The following SATB2 variants were observed in gnomAD, a reference collection of about 807,000 sequenced individuals.
The protein encoded by SATB2 is DNA-binding protein SATB2.
In SATB2, 1 loss-of-function variant was observed where a neutral mutation model predicts 73.4. The ratio of observed to expected loss-of-function variants is 0.01; its 90% CI spans 0.00 to 0.06. The LOEUF (loss-of-function observed/expected upper bound fraction) is 0.06. Ranked by LOEUF, SATB2 falls within the 10% of genes least tolerant of loss-of-function variation. The pLI, the probability that SATB2 is intolerant of heterozygous loss-of-function variation, is 1.00. For missense variants in SATB2, 459 were observed against 945.8 expected (o/e 0.49, Z 6.75); for synonymous variants, 397 against 367.0 (o/e 1.08, Z -0.93).
intron 7 of SATB2, among the ~76,000 whole-genome samples, chr2:199,345,866 A>C (rs1050916869): frequency 2.0e-5 from 3 of 152,196 alleles, no homozygotes; most frequent in African/African-American, 7.2e-5. Flanking sequence ...GTTAAAGTTC[A>C]GAGCTCTTGT....
intron 2 of SATB2, among the ~76,000 whole-genome samples, chr2:199,444,047 A>G (rs1691896495): frequency 6.6e-6 from 1 of 152,198 alleles, no homozygotes; most frequent in Admixed American, 6.5e-5. Context: ...GTGCCTGTGT[A>G]ATTTATAGAA....
In SATB2 at chr2:199,431,771, C is replaced by T. The variant is rs1691509550; in HGVS notation, c.346+1567G>A. On this transcript the variant is annotated intron_variant, in intron 3 of 10. Transcript: ENST00000417098. ...TGGCCACTTAGTGCTCTGTGTTCCACATGTGAGCTCGCGACGCGCTGAACG... is the reference window on the plus strand; with the variant it reads ...TGGCCACTTAGTGCTCTGTGTTCCATATGTGAGCTCGCGACGCGCTGAACG... Among the ~76,000 whole-genome samples, 3 of 152,146 alleles carry T rather than the reference C, an allele frequency of 2.0e-5. No homozygotes were observed. In the South Asian group the frequency reaches 6.2e-4, roughly 32 times the overall value.
intron 8 of SATB2, chr2:199,326,105 C>T (rs943201182): frequency 1.7e-4 from 26 of 152,110 alleles, no homozygotes; most frequent in African/African-American, 5.1e-4. Flanking sequence ...TCAGTGAGTA[C>T]TCCTCTAATA....
chr2:199,284,659 TTC>T (rs1224307446), intron 10 of SATB2, among the ~76,000 whole-genome samples: 1 of 152,182 alleles, frequency 6.6e-6, no homozygotes, highest in Non-Finnish European at 1.5e-5. Flanking sequence ...TCTATTATTT[TTC>T]TGTTTTGAAA....
At chr2:199,380,307 T>TA in intron 5 of SATB2, 57 bp downstream of exon 5, 1 of 1,608,738 alleles carries the variant, frequency 6.2e-7, no homozygotes, top group South Asian at 1.1e-5. Flanking sequence ...AACCCCCTGA[T>TA]AGAGAGTCTA....
At chr2:199,466,129 G>T (rs1003557654), upstream of SATB2, among the ~76,000 whole-genome samples, 2 of 152,152 alleles carry the variant, frequency 1.3e-5, no homozygotes, top group African/African-American at 4.8e-5. Flanking sequence ...CCGGAGACCC[G>T]GAGTTACTTG....
At chr2:199,410,433 C>G (rs1048264456) in intron 3 of SATB2, among the ~76,000 whole-genome samples, 2 of 152,192 alleles carry the variant, frequency 1.3e-5, no homozygotes, top group Non-Finnish European at 2.9e-5. Context: ...TACTGATCAC[C>G]TATTCCTCAG....
chr2:199,433,491 C>T lies in SATB2; in HGVS notation c.193G>A (p.Val65Ile), dbSNP rs749125541. ...VGGLMIPVFCVVEQLDGSLEY... is the reference protein window; with the variant it reads ...VGGLMIPVFCIVEQLDGSLEY... ...AGAGAGCCGTCCAACTGCTCCACGA[C>T]ACAAAAGACAGGAATCATCAAACCT... The change falls in exon 3 of 11, where the codon GTC (valine) becomes ATC (isoleucine). Residue 65 changes from valine (V) to isoleucine (I), a missense_variant. By Grantham distance (29) the Val-to-Ile change is conservative (BLOSUM62 3). Coordinates refer to ENST00000417098, the MANE Select transcript of SATB2 (RefSeq NM_001172509.2). 6.2e-7 allele frequency: 1 copy of T among 1,614,100 alleles called. No homozygotes were observed. Among genetic ancestry groups the T allele is most frequent in the South Asian group, 1.1e-5 (1 of 91,070 alleles).
At chr2:199,442,581 A>T (rs1285091645) in intron 2 of SATB2, among the ~76,000 whole-genome samples, 1 of 152,150 alleles carries the variant, frequency 6.6e-6, no homozygotes, top group African/African-American at 2.4e-5. Context: ...ACAACAAAAA[A>T]TGTTATAAGG....
upstream of SATB2, among the ~76,000 whole-genome samples, chr2:199,466,388 G>A (rs568640727): frequency 7.9e-5 from 12 of 152,182 alleles, no homozygotes; most frequent in African/African-American, 2.9e-4. Flanking sequence ...ATCTGCTCCC[G>A]CTGGACTCCT....
intron 7 of SATB2, among the ~76,000 whole-genome samples, chr2:199,339,859 TA>T (rs1688453265): frequency 6.6e-6 from 1 of 152,188 alleles, no homozygotes; most frequent in African/African-American, 2.4e-5. Flanking sequence ...AACTGACTGG[TA>T]ACACACTGAA....
upstream of SATB2, among the ~76,000 whole-genome samples, chr2:199,465,928 A>C (rs1418363362): frequency 6.6e-6 from 1 of 152,266 alleles, no homozygotes; most frequent in African/African-American, 2.4e-5. Context: ...AACCAAGACC[A>C]GGGAAAAGTC....
At position 199,463,970 on chromosome 2, in the gene SATB2, G is replaced by A. The variant is rs1219582184; in HGVS notation, c.-141+866C>T. On this transcript the variant is annotated intron_variant, in intron 1 of 11. Transcript: ENST00000260926. The surrounding 1 kb of genome is among the most constrained non-coding windows in gnomAD (Gnocchi z 6.4). The stretch of plus-strand genomic sequence containing the variant: ...GAGGCTATGGGCCCACGCCGGTCTT[G>A]AACCAAGCGGAGAGGGCGAAAAAGC... Among the ~76,000 whole-genome samples, 1 of 152,156 alleles carries A rather than the reference G, an allele frequency of 6.6e-6. No homozygotes were observed. The highest frequency in any genetic ancestry group is 1.5e-5 in the Non-Finnish European group (1 of 68,026).
chr2:199,397,207 C>T (rs1024043831), intron 3 of SATB2, among the ~76,000 whole-genome samples: 3 of 152,084 alleles, frequency 2.0e-5, no homozygotes, highest in Non-Finnish European at 2.9e-5. Context: ...CCTTGAATTT[C>T]GGAAAAGGCT....
At chr2:199,293,157 CT>C (rs1376232367) in intron 10 of SATB2, among the ~76,000 whole-genome samples, 1 of 152,124 alleles carries the variant, frequency 6.6e-6, no homozygotes, top group Non-Finnish European at 1.5e-5. Flanking sequence ...TGGGAACAGC[CT>C]TTTCTAGGTT....
intron 2 of SATB2, among the ~76,000 whole-genome samples, chr2:199,435,830 T>C (rs1691636955): frequency 6.6e-6 from 1 of 152,208 alleles, no homozygotes; most frequent in Non-Finnish European, 1.5e-5. Context: ...TTTATAGGAC[T>C]CATTCATGAG....
At chr2:199,453,305 T>A (rs1224973236) in intron 2 of SATB2, among the ~76,000 whole-genome samples, 1 of 152,060 alleles carries the variant, frequency 6.6e-6, no homozygotes, top group Admixed American at 6.5e-5. Context: ...TTAACAAATA[T>A]GTACTCCCAA....
upstream of SATB2, among the ~76,000 whole-genome samples, chr2:199,465,370 G>T (rs2105969360): frequency 6.6e-6 from 1 of 152,330 alleles, no homozygotes; most frequent in East Asian, 1.9e-4. Context: ...TGTCCCGTTG[G>T]ATATGACAGA....
chr2:199,304,103 A>G (rs1358499011), intron 10 of SATB2, among the ~76,000 whole-genome samples: 1 of 152,168 alleles, frequency 6.6e-6, no homozygotes, highest in Admixed American at 6.5e-5. Context: ...CTGGATGCCA[A>G]AATCGCCTGT....
Sources: gnomAD v4.1 joint callset for allele counts (sites outside exome capture counted in the v4.1 genomes callset) on GRCh38, gnomAD v4.1.1 for gene constraint, Gnocchi (gnomAD v3.1) non-coding constraint, MANE v1.5 for transcripts, NCBI Gene and HGNC (gene_info 2026-07-23, HGNC 2026-07-21) for gene names.